Variants in ST18 observed in about 807,000 individuals in gnomAD.
ST18 encodes the protein ST18 C2H2C-type zinc finger transcription factor, also known as suppression of tumorigenicity 18 protein.
Under a neutral mutation model 110.0 loss-of-function variants are expected in ST18, and 50 were observed. That is an observed-to-expected ratio of 0.45 (90% CI 0.36 to 0.58). The LOEUF (loss-of-function observed/expected upper bound fraction) is 0.58. Among genes scored for constraint, ST18 ranks in the 20% least tolerant of loss-of-function variants. ST18 has a pLI of 0.00. For missense variants in ST18, 1,306 were observed against 1,280.1 expected (o/e 1.02, Z -0.31); for synonymous variants, 461 against 452.4 (o/e 1.02, Z -0.24).
intron 2 of ST18, among the ~76,000 whole-genome samples, chr8:52,336,390 A>T (rs544881940): frequency 7.6e-4 from 116 of 152,226 alleles, no homozygotes; most frequent in African/African-American, 2.8e-3. Context: ...GCATCAAGTG[A>T]TCTGCCCACC....
intron 2 of ST18, among the ~76,000 whole-genome samples, chr8:52,248,041 G>A (rs186032452): frequency 5.1e-4 from 77 of 151,730 alleles, no homozygotes; most frequent in Middle Eastern, 3.4e-3. Flanking sequence ...AATGTTAGGG[G>A]CACATTTAAC....
chr8:52,325,966 G>T (rs970379728), intron 2 of ST18, among the ~76,000 whole-genome samples: 1 of 152,160 alleles, frequency 6.6e-6, no homozygotes, highest in Non-Finnish European at 1.5e-5. Context: ...GCTGTAAGCT[G>T]CTTCTGAGAT....
chr8:52,378,837 G>A (rs1263641007), intron 2 of ST18, among the ~76,000 whole-genome samples: 1 of 152,090 alleles, frequency 6.6e-6, no homozygotes, highest in Non-Finnish European at 1.5e-5. Flanking sequence ...TATTGAATGT[G>A]CTAGAATTCC....
intron 16 of ST18, among the ~76,000 whole-genome samples, chr8:52,147,896 G>A (rs1165019931): frequency 2.0e-5 from 3 of 152,104 alleles, no homozygotes; most frequent in Non-Finnish European, 2.9e-5. Flanking sequence ...GTAGGACTGC[G>A]CCAACAATTT....
chr8:52,372,319 A>C (rs530170495), intron 2 of ST18, among the ~76,000 whole-genome samples: 71 of 152,362 alleles, frequency 4.7e-4, no homozygotes, highest in African/African-American at 1.6e-3. Context: ...GTGTGTTTTA[A>C]TCTAAGTGTT....
chr8:52,149,143 G>A (rs777081049), intron 16 of ST18, among the ~76,000 whole-genome samples: 2 of 152,172 alleles, frequency 1.3e-5, no homozygotes, highest in African/African-American at 4.8e-5. Flanking sequence ...CTGCACTGTC[G>A]CACCATCTGG....
chr8:52,253,559 C>T (rs1236274789), intron 2 of ST18, among the ~76,000 whole-genome samples: 1 of 151,998 alleles, frequency 6.6e-6, no homozygotes, highest in Non-Finnish European at 1.5e-5. Context: ...TCCTGGGGAC[C>T]TCCCACAAAC....
Position 52,180,143 on chromosome 8 carries a change from T to C in ST18, c.256A>G (p.Thr86Ala), listed in dbSNP as rs773350418. ...CTACCTGCGGTAGAGTGACCATGTG[T>C]TTCCAAGGGGCCATCGTCCTCTGTC... ...DRTEDDGPLE[T>A]HGHSTAEEIM... Residue 86 changes from threonine to alanine, a missense_variant, in exon 9 of 26, where the codon ACA becomes GCA. Transcript: ENST00000689386. 5 of 1,614,122 alleles carry C rather than the reference T, an allele frequency of 3.1e-6. No individual in the cohort carries two copies. Among genetic ancestry groups the C allele is most frequent in the Non-Finnish European group, 4.2e-6 (5 of 1,180,016 alleles).
chr8:52,216,873 A>G lies in ST18; in HGVS notation c.-1+873T>C, dbSNP rs569431312. 5.9e-5 allele frequency among the ~76,000 whole-genome samples: 9 copies of G among 152,308 alleles called. No individual in the cohort carries two copies. In the South Asian group the frequency reaches 6.2e-4, roughly 11 times the overall value. On this transcript the variant is annotated intron_variant, in intron 6 of 25. Transcript: ENST00000689386. ...GTAATGGATCATTAGAAGTGGAAAA[A>G]GATTTCCACGTCAGTGTGTGTGTTC...
chr8:52,138,852 T>C (rs914749285), intron 17 of ST18, among the ~76,000 whole-genome samples: 1 of 152,212 alleles, frequency 6.6e-6, no homozygotes, highest in Admixed American at 6.5e-5. Flanking sequence ...ATATACAGAA[T>C]ACATGTTTTA....
chr8:52,143,088 G>A (rs1165219447), intron 16 of ST18, 43 bp from the exon 17 acceptor site: 1 of 1,288,182 alleles, frequency 7.8e-7, no homozygotes, highest in South Asian at 1.2e-5. Context: ...GAAGCCATTA[G>A]GGAACCCTGG....
At chr8:52,348,368 C>G (rs1818663201) in intron 2 of ST18, among the ~76,000 whole-genome samples, 1 of 152,226 alleles carries the variant, frequency 6.6e-6, no homozygotes, top group Non-Finnish European at 1.5e-5. Context: ...TCGGCAGCTT[C>G]TGAACATCTT....
At chr8:52,136,515 G>T in intron 19 of ST18, 75 bp downstream of exon 19, 2 of 1,415,142 alleles carry the variant, frequency 1.4e-6, no homozygotes, top group African/African-American at 1.4e-5. Flanking sequence ...GATCACTTGG[G>T]CAATGAATGG....
chr8:52,355,225 G>A (rs1675204226), intron 2 of ST18, among the ~76,000 whole-genome samples: 1 of 152,154 alleles, frequency 6.6e-6, no homozygotes, highest in South Asian at 2.1e-4. Flanking sequence ...GAAGTTCACA[G>A]TGCCAAAGGA....
chr8:52,406,816 G>A (rs1844685285), intron 2 of ST18: 2 of 152,206 alleles, frequency 1.3e-5, no homozygotes, highest in Non-Finnish European at 2.9e-5. Context: ...AATTGTTGCA[G>A]TTGCCTGGGA....
chr8:52,203,503 G>C (rs16917461), intron 8 of ST18, among the ~76,000 whole-genome samples: 4 of 152,016 alleles, frequency 2.6e-5, no homozygotes, highest in African/African-American at 9.7e-5. Context: ...TTGGATTGTA[G>C]GGCGTCCATT....
chr8:52,192,919 C>G (rs912599821), intron 8 of ST18, among the ~76,000 whole-genome samples: 1 of 152,140 alleles, frequency 6.6e-6, no homozygotes. Flanking sequence ...AGATACCGTC[C>G]TGGCAGGAGT....
intron 2 of ST18, among the ~76,000 whole-genome samples, chr8:52,287,363 T>C (rs1286526297): frequency 6.6e-6 from 1 of 152,230 alleles, no homozygotes; most frequent in East Asian, 1.9e-4. Context: ...TTTTTCTCTT[T>C]GCATTTTATT....
At chr8:52,195,025 G>A (rs921943137) in intron 8 of ST18, among the ~76,000 whole-genome samples, 3 of 152,152 alleles carry the variant, frequency 2.0e-5, no homozygotes, top group African/African-American at 7.2e-5. Flanking sequence ...ATATGTTTTA[G>A]TTAAATCATT....
Sources: gnomAD v4.1 joint callset for allele counts (sites outside exome capture counted in the v4.1 genomes callset) on GRCh38, gnomAD v4.1.1 for gene constraint, MANE v1.5 for transcripts, NCBI Gene and HGNC (gene_info 2026-07-23, HGNC 2026-07-21) for gene names.